The following FMN1 variants were observed in gnomAD, a reference collection of about 807,000 sequenced individuals.
FMN1 encodes formin-1.
In FMN1, 110 loss-of-function variants were observed where a neutral mutation model predicts 132.4. The observed-to-expected ratio is 0.83, with a 90% confidence interval of 0.71 to 0.97. FMN1 has a LOEUF of 0.97. Ranked by LOEUF, FMN1 falls within the 50% of genes least tolerant of loss-of-function variation. The pLI, the probability that FMN1 is intolerant of heterozygous loss-of-function variation, is 0.00. For missense variants in FMN1, 1,792 were observed against 1,705.3 expected (o/e 1.05, Z -0.90); for synonymous variants, 722 against 651.7 (o/e 1.11, Z -1.64).
At chr15:32,953,795 G>A (rs1008924659) in intron 9 of FMN1, among the ~76,000 whole-genome samples, 1 of 152,182 alleles carries the variant, frequency 6.6e-6, no homozygotes, top group Non-Finnish European at 1.5e-5. Context: ...TGTTATGTAA[G>A]GACAACTGCA....
At chr15:33,067,207 T>C (rs2037779078) in intron 5 of FMN1, 1 of 1,613,484 alleles carries the variant, frequency 6.2e-7, no homozygotes, top group African/African-American at 1.3e-5. Context: ...GGCGACGCTC[T>C]GTCTGAAGAC....
At chr15:33,052,010 T>C (rs1449322489) in intron 6 of FMN1, among the ~76,000 whole-genome samples, 1 of 152,226 alleles carries the variant, frequency 6.6e-6, no homozygotes, top group Non-Finnish European at 1.5e-5. Flanking sequence ...CTCACTCTGC[T>C]GCCTTATGTC....
chr15:32,810,625 T>A (rs925225601), intron 17 of FMN1, among the ~76,000 whole-genome samples: 1 of 152,204 alleles, frequency 6.6e-6, no homozygotes, highest in African/African-American at 2.4e-5. Context: ...TGTACCCAAA[T>A]AACCGAAGTT....
At chr15:32,949,704 C>T (rs376855061) in intron 9 of FMN1, among the ~76,000 whole-genome samples, 127 of 151,148 alleles carry the variant, frequency 8.4e-4, no homozygotes, top group East Asian at 2.7e-3. Context: ...AATTAACAAA[C>T]GGGATGTAAT....
chr15:32,901,054 T>TGA (rs1161522294), intron 13 of FMN1, among the ~76,000 whole-genome samples: 2 of 152,026 alleles, frequency 1.3e-5, no homozygotes, highest in African/African-American at 4.8e-5. Context: ...CCTGGGAGGC[T>TGA]GAGGCAGGAG....
intron 4 of FMN1, among the ~76,000 whole-genome samples, chr15:33,104,475 AG>A (rs1185670254): frequency 7.0e-6 from 1 of 142,160 alleles, no homozygotes; most frequent in Admixed American, 7.0e-5. Flanking sequence ...ATAGAGATGC[AG>A]GAAGTTTGAA....
At chr15:33,072,042 G>A (rs2038018942) in intron 5 of FMN1, among the ~76,000 whole-genome samples, 1 of 151,918 alleles carries the variant, frequency 6.6e-6, no homozygotes, top group Admixed American at 6.6e-5. Flanking sequence ...CTCTCTAACT[G>A]CCACATCTGT....
chr15:32,949,035 A>G (rs568786885), intron 9 of FMN1, among the ~76,000 whole-genome samples: 1 of 152,026 alleles, frequency 6.6e-6, no homozygotes, highest in Non-Finnish European at 1.5e-5. Context: ...TTTCTAATAT[A>G]AATACTCATG....
chr15:32,931,721 T>G lies in FMN1; in HGVS notation c.3139-5460A>C, dbSNP rs150264159. Among the ~76,000 whole-genome samples, 37 of 152,352 alleles carry G rather than the reference T, an allele frequency of 2.4e-4. No homozygotes were observed. In the East Asian group the frequency reaches 7.1e-3, roughly 29 times the overall value. ...TCTCTTGATTAATGTCTCTATGACT[T>G]TCAGCACTATGTTGAATAAAGTAGC... is the stretch of plus-strand genomic sequence containing the variant. On this transcript the variant is annotated intron_variant, in intron 9 of 20. Coordinates refer to ENST00000616417, the MANE Select transcript of FMN1 (RefSeq NM_001277313.2).
intron 6 of FMN1, among the ~76,000 whole-genome samples, chr15:33,050,393 A>ATT (rs57035093): frequency 2.7e-5 from 4 of 150,364 alleles, no homozygotes; most frequent in African/African-American, 9.8e-5. Context: ...TGATAAAAGG[A>ATT]TTTTTTTTTT....
At chr15:33,030,185 T>G (rs1378262936) in intron 6 of FMN1, among the ~76,000 whole-genome samples, 1 of 151,918 alleles carries the variant, frequency 6.6e-6, no homozygotes, top group Admixed American at 6.6e-5. Flanking sequence ...AAACTAAAAC[T>G]GTGTTAAGTA....
At chr15:32,844,760 G>A (rs1258783) in intron 17 of FMN1, among the ~76,000 whole-genome samples, 35,331 of 152,032 alleles carry the variant, frequency 0.23, 4,393 homozygotes, top group East Asian at 0.44. Context: ...ACTGCTATTC[G>A]CACCATTGGG....
In FMN1 at chr15:32,770,269, G is replaced by C. The variant is rs545442428; in HGVS notation, c.*4041C>G. 1 of 152,170 alleles carries C rather than the reference G, an allele frequency of 6.6e-6. No homozygotes were observed. Among genetic ancestry groups the C allele is most frequent in the Non-Finnish European group, 1.5e-5 (1 of 68,036 alleles). The allele number at this position is 152,170 out of a possible 1,614,324, so 9.4% of individuals were successfully genotyped here. A position where few individuals can be genotyped will look rare whatever the true frequency, so the allele number is the denominator to read the frequency against. On this transcript the variant is annotated 3_prime_UTR_variant, in exon 21 of 21. Coordinates refer to ENST00000616417, the MANE Select transcript of FMN1 (RefSeq NM_001277313.2). ...TAATTCCCATTCACACACTGACTTG[G>C]CGCAATTTGCTGTGCTGTTGTATGC...
chr15:33,048,627 T>G (rs2036802727), intron 6 of FMN1, among the ~76,000 whole-genome samples: 1 of 15,510 alleles, frequency 6.4e-5, no homozygotes, highest in Non-Finnish European at 1.9e-4. Flanking sequence ...ACTGGGCAAT[T>G]TACCAAAAAA....
intron 10 of FMN1, among the ~76,000 whole-genome samples, chr15:32,925,346 T>G (rs1344131829): frequency 6.6e-6 from 1 of 152,236 alleles, no homozygotes; most frequent in Non-Finnish European, 1.5e-5. Flanking sequence ...CACTTCTTGA[T>G]AGAAAACATA....
At chr15:32,922,922 T>G (rs1044700751) in intron 10 of FMN1, among the ~76,000 whole-genome samples, 5 of 152,336 alleles carry the variant, frequency 3.3e-5, no homozygotes, top group Admixed American at 3.3e-4. Flanking sequence ...AATGACATTT[T>G]AATGGGGAAA....
chr15:33,143,757 A>T (rs1255786017), intron 4 of FMN1, among the ~76,000 whole-genome samples: 1 of 152,226 alleles, frequency 6.6e-6, no homozygotes, highest in Non-Finnish European at 1.5e-5. Flanking sequence ...AATTAAAGTC[A>T]ACAATCATAA....
At chr15:32,855,365 C>T (rs1024389179) in intron 17 of FMN1, among the ~76,000 whole-genome samples, 1 of 151,922 alleles carries the variant, frequency 6.6e-6, no homozygotes, top group African/African-American at 2.4e-5. Flanking sequence ...CCTTTACTTC[C>T]CTGTCATAAG....
chr15:33,094,329 G>A (rs1231837871), intron 4 of FMN1, among the ~76,000 whole-genome samples: 1 of 152,164 alleles, frequency 6.6e-6, no homozygotes, highest in Non-Finnish European at 1.5e-5. Context: ...GATTTGATGG[G>A]AGAAGCAAGT....
Sources: gnomAD v4.1 joint callset for allele counts (sites outside exome capture counted in the v4.1 genomes callset) on GRCh38, gnomAD v4.1.1 for gene constraint, MANE v1.5 for transcripts, NCBI Gene and HGNC (gene_info 2026-07-23, HGNC 2026-07-21) for gene names.